FHOD3: variants seen among roughly 807,000 people sequenced by gnomAD.
The protein encoded by FHOD3 is formin homology 2 domain containing 3.
Under a neutral mutation model 173.0 loss-of-function variants are expected in FHOD3, and 90 were observed. The observed-to-expected ratio is 0.52, with a 90% CI of 0.44 to 0.62. The LOEUF (loss-of-function observed/expected upper bound fraction) is 0.62, where lower values mean the gene tolerates loss of function less well. Among genes scored for constraint, FHOD3 ranks in the 20% least tolerant of loss-of-function variants. The pLI is 0.00. For missense variants in FHOD3, 1,945 were observed against 2,034.7 expected (o/e 0.96, Z 0.85); for synonymous variants, 828 against 823.0 (o/e 1.01, Z -0.10).
chr18:36,690,313 A>C (rs1362518153), intron 16 of FHOD3, among the ~76,000 whole-genome samples: 3 of 152,222 alleles, frequency 2.0e-5, no homozygotes, highest in East Asian at 3.8e-4. Flanking sequence ...TGAAGGCAGC[A>C]AAAGTAGGAA....
chr18:36,708,533 T>G (rs58607067), intron 17 of FHOD3, among the ~76,000 whole-genome samples: 20 of 152,340 alleles, frequency 1.3e-4, no homozygotes, highest in African/African-American at 4.8e-4. Flanking sequence ...TCAGCTGAGC[T>G]CTTGACCTTG....
intron 10 of FHOD3, among the ~76,000 whole-genome samples, chr18:36,637,182 T>C (rs1351917824): frequency 2.0e-5 from 3 of 152,212 alleles, no homozygotes; most frequent in Non-Finnish European, 4.4e-5. Context: ...AATAGTGACA[T>C]CTTATGACCT....
At chr18:36,533,282 C>T (rs1045096367) in intron 5 of FHOD3, among the ~76,000 whole-genome samples, 2 of 152,230 alleles carry the variant, frequency 1.3e-5, no homozygotes, top group African/African-American at 4.8e-5. Context: ...GCATGTGCGA[C>T]GCATTTGGAT....
chr18:36,654,513 C>T (rs2036280276), intron 13 of FHOD3, among the ~76,000 whole-genome samples: 1 of 152,064 alleles, frequency 6.6e-6, no homozygotes, highest in Admixed American at 6.5e-5. Context: ...TTCTGGAAAA[C>T]ACCTATGTAT....
intron 2 of FHOD3, among the ~76,000 whole-genome samples, chr18:36,356,637 A>G (rs1472534437): frequency 1.3e-5 from 2 of 150,402 alleles, no homozygotes; most frequent in African/African-American, 4.9e-5. Context: ...TTTTATATAT[A>G]TATATATGTT....
intron 8 of FHOD3, among the ~76,000 whole-genome samples, chr18:36,606,255 T>C (rs964053886): frequency 6.6e-6 from 1 of 152,146 alleles, no homozygotes; most frequent in African/African-American, 2.4e-5. Context: ...TATAAAGAAA[T>C]CGATTTCTCA....
In FHOD3 at chr18:36,667,881, A is replaced by G. The variant is rs1429670875; in HGVS notation, c.1835+9693A>G. On this transcript the variant is annotated intron_variant, in intron 14 of 28. Coordinates refer to ENST00000590592, the MANE Select transcript of FHOD3 (RefSeq NM_001281740.3). Reference sequence around the variant, plus strand: ...CAGCTTCATTGTAATCTATGGAACCACTATCTTGTAGAACATTGTTGACTG... The same window carrying G: ...CAGCTTCATTGTAATCTATGGAACCGCTATCTTGTAGAACATTGTTGACTG... 2.6e-5 allele frequency among the ~76,000 whole-genome samples: 4 copies of G among 152,174 alleles called. No individual in the cohort carries two copies. In the East Asian group the frequency reaches 7.7e-4, roughly 29 times the overall value.
chr18:36,573,811 A>G (rs919549018), intron 5 of FHOD3, among the ~76,000 whole-genome samples: 2 of 152,218 alleles, frequency 1.3e-5, no homozygotes, highest in South Asian at 2.1e-4. Flanking sequence ...TTATTTTGGT[A>G]TATTAAATAA....
chr18:36,682,579 G>A (rs1367081170), intron 15 of FHOD3, among the ~76,000 whole-genome samples: 3 of 151,994 alleles, frequency 2.0e-5, no homozygotes, highest in East Asian at 1.9e-4. Context: ...ACGTGTTTTT[G>A]TTTTGTTTTG....
chr18:36,472,584 A>G (rs2053343562), intron 3 of FHOD3, among the ~76,000 whole-genome samples: 3 of 152,072 alleles, frequency 2.0e-5, no homozygotes, highest in African/African-American at 7.2e-5. Flanking sequence ...TTTCCTCCCC[A>G]GCCCTAGGTA....
intron 3 of FHOD3, among the ~76,000 whole-genome samples, chr18:36,490,406 C>T (rs1182458361): frequency 6.6e-6 from 1 of 152,136 alleles, no homozygotes; most frequent in Non-Finnish European, 1.5e-5. Flanking sequence ...GTATAAATGG[C>T]TTTGCTTGGG....
chr18:36,323,036 A>C (rs1478907744), intron 1 of FHOD3, among the ~76,000 whole-genome samples: 3 of 152,142 alleles, frequency 2.0e-5, no homozygotes, highest in Non-Finnish European at 1.5e-5. Context: ...ACACGCTTGC[A>C]ATCTCCCTGA....
chr18:36,630,315 A>C (rs1035888178), intron 10 of FHOD3, among the ~76,000 whole-genome samples: 2 of 152,228 alleles, frequency 1.3e-5, no homozygotes, highest in Non-Finnish European at 2.9e-5. Flanking sequence ...ATGAGATATG[A>C]ATTGTCTTTC....
At chr18:36,562,018 AT>A (rs1168953161) in intron 5 of FHOD3, among the ~76,000 whole-genome samples, 6 of 145,752 alleles carry the variant, frequency 4.1e-5, no homozygotes, top group African/African-American at 1.3e-4. Flanking sequence ...ATTGTATTGT[AT>A]TGTATTGTAT....
intron 3 of FHOD3, among the ~76,000 whole-genome samples, chr18:36,484,888 C>T (rs2054113784): frequency 6.6e-6 from 1 of 152,216 alleles, no homozygotes; most frequent in African/African-American, 2.4e-5. Context: ...AAGGCACTGT[C>T]CCGGCTGGCT....
intron 1 of FHOD3, among the ~76,000 whole-genome samples, chr18:36,312,375 G>A (rs566406426): frequency 2.6e-5 from 4 of 152,124 alleles, no homozygotes; most frequent in South Asian, 2.1e-4. Context: ...GCTTTCTGAC[G>A]ACCCCCTAGA....
rs1212752349 is a variant in FHOD3, at chr18:36,763,392, C to CAATATGCGTATTATACACGTTATATAT, written c.4624+2670_4624+2696dup. ...ATATGCGTATTATACACGTTATATACAATATGCGTATTATACACGTTATAT... is the reference window on the plus strand; with the variant it reads ...ATATGCGTATTATACACGTTATATACAATATGCGTATTATACACGTTATATATAATATGCGTATTATACACGTTATAT... On this transcript the variant is annotated intron_variant, in intron 27 of 28. Transcript: ENST00000590592. Among the ~76,000 whole-genome samples, 12 of 117,626 alleles carry CAATATGCGTATTATACACGTTATATAT rather than the reference C, an allele frequency of 1.0e-4. 3 individuals carry two copies. The highest frequency in any genetic ancestry group is 1.6e-4 in the Non-Finnish European group (8 of 50,576). 77.2% of individuals were successfully genotyped at this position (117,626 alleles called of 152,430 possible). A position where few individuals can be genotyped will look rare whatever the true frequency, so the allele number is the denominator to read the frequency against.
At chr18:36,505,737 A>G (rs990985298) in intron 4 of FHOD3, among the ~76,000 whole-genome samples, 6 of 152,222 alleles carry the variant, frequency 3.9e-5, no homozygotes, top group Non-Finnish European at 1.5e-5. Flanking sequence ...ATGCCAGAAC[A>G]TGTCTATAAT....
At chr18:36,439,525 G>A (rs767053009) in intron 3 of FHOD3, among the ~76,000 whole-genome samples, 5,004 of 25,690 alleles carry the variant, frequency 0.19, 119 homozygotes, top group African/African-American at 0.26. Context: ...AATAGAATGT[G>A]TGTGTGTGTG....
Sources: gnomAD v4.1 joint callset for allele counts (sites outside exome capture counted in the v4.1 genomes callset) on GRCh38, gnomAD v4.1.1 for gene constraint, MANE v1.5 for transcripts, NCBI Gene and HGNC (gene_info 2026-07-23, HGNC 2026-07-21) for gene names.